FAM184B: variants seen among roughly 807,000 people sequenced by gnomAD.
FAM184B encodes family with sequence similarity 184 member B, also known as protein FAM184B.
A neutral mutation model predicts 135.9 loss-of-function variants in FAM184B; 111 were observed. The ratio of observed to expected loss-of-function variants is 0.82; its 90% CI spans 0.70 to 0.96. The LOEUF is 0.96. Among genes scored for constraint, FAM184B ranks in the 40% least tolerant of loss-of-function variants. The probability of loss-of-function intolerance (pLI) is 0.00; values close to 1 mark genes in which losing one functional copy is unlikely to be tolerated. For synonymous variants in FAM184B, 552 were observed against 524.8 expected, an observed-to-expected ratio of 1.05 and a Z score of -0.71; for missense variants, 1,375 against 1,323.9, an observed-to-expected ratio of 1.04 and a Z score of -0.60.
rs34765978 is a variant in FAM184B, at chr4:17,632,193, G to C, written c.*339C>G. 6.4e-6 allele frequency: 1 copy of C among 157,142 alleles called. No homozygotes were observed. The highest frequency in any genetic ancestry group is 6.3e-5 in the Admixed American group (1 of 15,774). The allele number at this position is 157,142 out of a possible 1,614,324, so 9.7% of individuals were successfully genotyped here. On this transcript the variant is annotated 3_prime_UTR_variant, in exon 18 of 18. Transcript: ENST00000265018. Reference sequence around the variant, plus strand: ...AGGTTCAAGTGATCCTCCCGCCTCAGTCCCCCAAGTACCTGGGACCACAGG... The same window carrying C: ...AGGTTCAAGTGATCCTCCCGCCTCACTCCCCCAAGTACCTGGGACCACAGG...
At chr4:17,774,174 C>T (rs943838355) in intron 1 of FAM184B, among the ~76,000 whole-genome samples, 2 of 151,918 alleles carry the variant, frequency 1.3e-5, no homozygotes, top group Non-Finnish European at 2.9e-5. Flanking sequence ...CCCAAGGGTA[C>T]GAGGCCAGCC....
At chr4:17,756,528 C>T (rs1294561598) in intron 1 of FAM184B, among the ~76,000 whole-genome samples, 3 of 152,156 alleles carry the variant, frequency 2.0e-5, no homozygotes, top group East Asian at 3.9e-4. Context: ...ATCAACAAAA[C>T]ACAATCAAGC....
chr4:17,730,783 T>C (rs1717757729), intron 1 of FAM184B, among the ~76,000 whole-genome samples: 1 of 152,080 alleles, frequency 6.6e-6, no homozygotes, highest in Non-Finnish European at 1.5e-5. Context: ...ACGATCAAAC[T>C]ACTCTGAGCT....
chr4:17,708,322 C>T lies in FAM184B; in HGVS notation c.895-538G>A, dbSNP rs1348835203. ...TCACCACGTGTCCCTTGCCCATAGCCCTGGGCCTGGCAGATAGTCAGTGTT... is the reference window on the plus strand; with the variant it reads ...TCACCACGTGTCCCTTGCCCATAGCTCTGGGCCTGGCAGATAGTCAGTGTT... On this transcript the variant is annotated intron_variant, in intron 2 of 17. Coordinates refer to ENST00000265018, the MANE Select transcript of FAM184B (RefSeq NM_015688.2). Among the ~76,000 whole-genome samples, 4 of 151,926 alleles carry T rather than the reference C, an allele frequency of 2.6e-5. No homozygotes were observed. In the East Asian group the frequency reaches 7.8e-4, roughly 29 times the overall value.
chr4:17,710,839 A>G (rs1234429767), intron 1 of FAM184B, among the ~76,000 whole-genome samples: 3 of 152,184 alleles, frequency 2.0e-5, no homozygotes, highest in African/African-American at 7.2e-5. Context: ...AAGCAGAAGA[A>G]AATCGGGAAG....
At chr4:17,665,187 C>G (rs1379317829) in intron 7 of FAM184B, among the ~76,000 whole-genome samples, 1 of 152,166 alleles carries the variant, frequency 6.6e-6, no homozygotes, top group African/African-American at 2.4e-5. Context: ...CTATTATATC[C>G]GTTTAAGAGT....
chr4:17,742,215 C>T (rs999650217), intron 1 of FAM184B, among the ~76,000 whole-genome samples: 8 of 143,796 alleles, frequency 5.6e-5, no homozygotes, highest in African/African-American at 1.5e-4. Flanking sequence ...TGTCTGTAAT[C>T]GCAGCACTTT....
At chr4:17,649,353 C>T (rs1445502612) in intron 11 of FAM184B, among the ~76,000 whole-genome samples, 2 of 151,212 alleles carry the variant, frequency 1.3e-5, no homozygotes, top group Non-Finnish European at 2.9e-5. Context: ...GGGAGGCCGA[C>T]GTGGGTGGAT....
chr4:17,685,244 A>G (rs573213163), intron 7 of FAM184B, among the ~76,000 whole-genome samples: 1 of 150,440 alleles, frequency 6.6e-6, no homozygotes, highest in South Asian at 2.1e-4. Flanking sequence ...GAAAGACAAC[A>G]TTCTAGATTA....
chr4:17,641,427 G>A (rs56308330), intron 13 of FAM184B, among the ~76,000 whole-genome samples: 74,386 of 142,954 alleles, frequency 0.52, 22,003 homozygotes, highest in East Asian at 0.88. Context: ...TCTCATAAAT[G>A]CCCTGATTTG....
At chr4:17,726,387 T>C (rs1265461198) in intron 1 of FAM184B, among the ~76,000 whole-genome samples, 3 of 152,166 alleles carry the variant, frequency 2.0e-5, no homozygotes, top group Non-Finnish European at 2.9e-5. Context: ...TTTGTTTTTA[T>C]TGGGACAGAG....
chr4:17,651,537 C>CA (rs751455835), intron 11 of FAM184B, among the ~76,000 whole-genome samples: 3,018 of 43,044 alleles, frequency 0.07, 787 homozygotes, highest in African/African-American at 0.22. Flanking sequence ...GACTCTGTCT[C>CA]AAAAAAAAAA....
chr4:17,758,981 A>G (rs1368890026), intron 1 of FAM184B, among the ~76,000 whole-genome samples: 1 of 152,266 alleles, frequency 6.6e-6, no homozygotes, highest in Non-Finnish European at 1.5e-5. Context: ...TAACCCAGGT[A>G]TAAAGATAAT....
intron 1 of FAM184B, among the ~76,000 whole-genome samples, chr4:17,738,693 G>T (rs1324445033): frequency 6.6e-6 from 1 of 152,098 alleles, no homozygotes; most frequent in Non-Finnish European, 1.5e-5. Flanking sequence ...TTGGATGCTT[G>T]TCCCCTCCAA....
intron 13 of FAM184B, 33 bp from the exon 14 acceptor site, chr4:17,639,429 C>G: frequency 6.5e-7 from 1 of 1,549,182 alleles, no homozygotes; most frequent in Non-Finnish European, 8.7e-7. Flanking sequence ...CAGGCTTGCC[C>G]AGCTCCAGGG....
intron 12 of FAM184B, among the ~76,000 whole-genome samples, chr4:17,646,579 G>A (rs1715473661): frequency 6.6e-6 from 1 of 152,026 alleles, no homozygotes. Context: ...GGGGACTGTT[G>A]TGGGGTGGGG....
rs892980706 is a variant in FAM184B at position 17,729,746 on chromosome 4, A to G, written c.142-20102T>C. Among the ~76,000 whole-genome samples the G allele has an allele frequency of 3.3e-5, 5 of 152,250 alleles. No individual in the cohort carries two copies. The South Asian group carries it at 1.0e-3, about 32-fold the overall frequency. ...AAACTAACAAACAGAAAGGACATCC[A>G]CACCAAAAACCCTTCTGTACGTCAC... On this transcript the variant is annotated intron_variant, in intron 1 of 17. Transcript: ENST00000265018.
intron 7 of FAM184B, among the ~76,000 whole-genome samples, chr4:17,668,738 G>A (rs540406584): frequency 6.6e-6 from 1 of 152,224 alleles, no homozygotes; most frequent in East Asian, 1.9e-4. Context: ...GTTTTACTGT[G>A]TTGGCCAGGC....
chr4:17,688,584 G>C lies in FAM184B; in HGVS notation c.1489-53C>G, dbSNP rs527818658. 6.1e-6 allele frequency: 8 copies of C among 1,313,066 alleles called. 1 individual carries two copies. The South Asian group carries it at 1.1e-4, about 18-fold the overall frequency. 81.3% of individuals were successfully genotyped at this position (1,313,066 alleles called of 1,614,324 possible). The stretch of plus-strand genomic sequence containing the variant: ...CAATGAAACCAGGTTCTACCTCCTC[G>C]ATACAGTCATTCATCCGGGAATCAA... On this transcript the variant is annotated intron_variant, in intron 6 of 17. Coordinates refer to ENST00000265018, the MANE Select transcript of FAM184B (RefSeq NM_015688.2).
Sources: allele counts gnomAD v4.1 joint callset (sites outside exome capture counted in the v4.1 genomes callset), GRCh38; gene constraint gnomAD v4.1.1; transcripts MANE v1.5; gene names NCBI Gene and HGNC (gene_info 2026-07-23, HGNC 2026-07-21).